Variants in KCTD17 observed in about 807,000 individuals in gnomAD.
KCTD17 encodes BTB/POZ domain-containing protein KCTD17.
Under a neutral mutation model 41.5 loss-of-function variants are expected in KCTD17, and 20 were observed. The observed-to-expected ratio is 0.48, with a 90% CI of 0.34 to 0.70. The LOEUF is 0.70. Ranked by LOEUF, KCTD17 falls within the 30% of genes least tolerant of loss-of-function variation. KCTD17 has a pLI of 0.01. For missense variants in KCTD17, 317 were observed against 427.2 expected (o/e 0.74, Z 2.27); for synonymous variants, 156 against 173.8 (o/e 0.90, Z 0.80).
At chr22:37,059,231 T>G (rs1270912590) in intron 4 of KCTD17, 82 bp from the exon 5 acceptor site, 5 of 1,583,044 alleles carry the variant, frequency 3.2e-6, no homozygotes, top group Non-Finnish European at 4.3e-6. Flanking sequence ...GTATCTTGAT[T>G]TGAGTGCCGA....
At chr22:37,052,627 C>T (rs543907016) in intron 1 of KCTD17, 1 of 470,986 alleles carries the variant, frequency 2.1e-6, no homozygotes, top group Admixed American at 2.3e-5. Context: ...TGTCTCCGAT[C>T]TCTCTGTAGA....
intron 2 of KCTD17, 91 bp from the exon 3 acceptor site, chr22:37,056,229 G>C (rs1042059041): frequency 4.6e-6 from 5 of 1,080,802 alleles, no homozygotes; most frequent in Admixed American, 2.1e-5. Context: ...GGTGATCAGA[G>C]CGAGAGGTGG....
At chr22:37,057,041 C>T (rs1601490222) in intron 3 of KCTD17, among the ~76,000 whole-genome samples, 1 of 152,082 alleles carries the variant, frequency 6.6e-6, no homozygotes, top group African/African-American at 2.4e-5. Context: ...TTGAGGGTGA[C>T]CCAGAATGTT....
intron 2 of KCTD17, among the ~76,000 whole-genome samples, chr22:37,055,734 G>C (rs1034486091): frequency 5.3e-5 from 8 of 152,172 alleles, no homozygotes; most frequent in Non-Finnish European, 1.2e-4. Flanking sequence ...GGAATGCATG[G>C]ACACAAGGGT....
chr22:37,056,479 G>T lies in KCTD17; in HGVS notation c.390+68G>T, dbSNP rs977261880. On this transcript the variant is annotated intron_variant, in intron 3 of 8. Coordinates refer to ENST00000403888, the MANE Select transcript of KCTD17 (RefSeq NM_001282684.2). ...TGGGGAGAGAGAGGCTGAGAGACGG[G>T]GCGGGAAGCAGAGGAGGTTGGGAGA... is the stretch of plus-strand genomic sequence containing the variant. 26 of 1,352,620 alleles carry T rather than the reference G, an allele frequency of 1.9e-5. No homozygotes were observed. The East Asian group carries it at 5.2e-4, about 27-fold the overall frequency. 83.8% of individuals were successfully genotyped at this position (1,352,620 alleles called of 1,614,324 possible). A position where few individuals can be genotyped will look rare whatever the true frequency, so the allele number is the denominator to read the frequency against.
intron 3 of KCTD17, among the ~76,000 whole-genome samples, chr22:37,056,897 CAGG>C (rs1447597767): frequency 6.6e-6 from 1 of 152,006 alleles, no homozygotes; most frequent in Non-Finnish European, 1.5e-5. Flanking sequence ...GGCCAGTCTG[CAGG>C]AGGAGGGAAA....
chr22:37,059,554 A>G, intron 5 of KCTD17, 116 bp downstream of exon 5: 5 of 1,232,238 alleles, frequency 4.1e-6, no homozygotes, highest in South Asian at 1.4e-5. Context: ...GCCACCGCCC[A>G]TGCACAACCC....
chr22:37,056,272 G>A, intron 2 of KCTD17, 48 bp from the exon 3 acceptor site: 1 of 1,523,668 alleles, frequency 6.6e-7, no homozygotes, highest in Non-Finnish European at 9.0e-7. Flanking sequence ...AGGAGAATGG[G>A]GCATGGAGGC....
intron 8 of KCTD17, chr22:37,062,094 C>T (rs1187118077): frequency 2.0e-6 from 2 of 981,054 alleles, no homozygotes; most frequent in Non-Finnish European, 2.4e-6. Context: ...TTGGGCAAGT[C>T]ACTGTCCCTC....
At chr22:37,052,149 G>C (rs1924566208) in intron 1 of KCTD17, 200 bp downstream of exon 1, 1 of 731,488 alleles carries the variant, frequency 1.4e-6, no homozygotes, top group African/African-American at 1.8e-5. Flanking sequence ...CCGTGGCAAC[G>C]GGACGACGCA....
chr22:37,062,768 G>A lies in KCTD17; in HGVS notation c.*174G>A. 2 of 1,388,244 alleles carry A rather than the reference G, an allele frequency of 1.4e-6. No individual in the cohort carries two copies. Among genetic ancestry groups the A allele is most frequent in the Non-Finnish European group, 1.9e-6 (2 of 1,054,394 alleles). The allele number at this position is 1,388,244 out of a possible 1,614,324, so 86.0% of individuals were successfully genotyped here. ...CCAAGGTGGGCCCCAGGACCTCTGG[G>A]CAGAGTGGACTGCTCATGGCAGATG... is the stretch of plus-strand genomic sequence containing the variant. On this transcript the variant is annotated 3_prime_UTR_variant, in exon 9 of 9. Transcript: ENST00000403888.
rs7292681 is a variant in KCTD17 at position 37,062,157 on chromosome 22, T to C, written c.876-368T>C. On this transcript the variant is annotated intron_variant, in intron 8 of 8. Transcript: ENST00000403888. ...GGACAGACAGCTGCTCCCTGTGGCTTCTTTCGCCTGGGGCATCAGTGCCTC... is the reference window on the plus strand; with the variant it reads ...GGACAGACAGCTGCTCCCTGTGGCTCCTTTCGCCTGGGGCATCAGTGCCTC... The C allele has an allele frequency of 0.012, 11,682 of 985,292 alleles. 977 individuals are homozygous for C. The African/African-American group carries it at 0.18, about 15-fold the overall frequency. 61.0% of individuals were successfully genotyped at this position (985,292 alleles called of 1,614,324 possible). A position where few individuals can be genotyped will look rare whatever the true frequency, so the allele number is the denominator to read the frequency against.
In KCTD17 at chr22:37,061,062, C is replaced by T. The variant is rs760350877; in HGVS notation, c.713-42C>T. On this transcript the variant is annotated intron_variant, in intron 6 of 8. Transcript: ENST00000403888. This position sits in a 1 kb window ranked among gnomAD's most constrained non-coding sequence, Gnocchi z 6.6. ...GTTAGCTCAGCCACTTGCCTGGCGC[C>T]TCACCCGCATAACCATCCCTTCTCT... 1.3e-4 allele frequency: 194 copies of T among 1,551,320 alleles called. No individual in the cohort carries two copies. The highest frequency in any genetic ancestry group is 1.3e-4 in the Non-Finnish European group (147 of 1,146,888).
intron 8 of KCTD17, 163 bp from the exon 9 acceptor site, chr22:37,062,362 C>T: frequency 2.0e-6 from 2 of 984,794 alleles, no homozygotes; most frequent in Non-Finnish European, 2.4e-6. Flanking sequence ...CTCAGCCCCA[C>T]CCCCTCCTCC....
chr22:37,058,138 G>C (rs1006907739), intron 4 of KCTD17, among the ~76,000 whole-genome samples: 1 of 152,248 alleles, frequency 6.6e-6, no homozygotes, highest in Admixed American at 6.5e-5. Flanking sequence ...GCCAGAAAGT[G>C]AGCCCAGGGT....
At chr22:37,059,223 A>T (rs1249266291) in intron 4 of KCTD17, 90 bp from the exon 5 acceptor site, 1 of 1,562,790 alleles carries the variant, frequency 6.4e-7, no homozygotes, top group African/African-American at 1.3e-5. Context: ...CTGAGCTGGT[A>T]TCTTGATTTG....
chr22:37,051,850 G>A lies in KCTD17; in HGVS notation c.90G>A (p.Val30=), dbSNP rs1186300597. The A allele has an allele frequency of 2.7e-6, 4 of 1,461,462 alleles. No individual in the cohort carries two copies. The highest frequency in any genetic ancestry group is 3.6e-6 in the Non-Finnish European group (4 of 1,105,446). The allele number at this position is 1,461,462 out of a possible 1,614,324, so 90.5% of individuals were successfully genotyped here. ...GGGGCAAGTGGGTGCGGCTCAACGT[G>A]GGGGGCACGGTGTTCCTGACCACCC... is the stretch of plus-strand genomic sequence containing the variant. The part of the protein sequence containing the change: ...GGWGKWVRLN[V]GGTVFLTTRQ... The change falls in exon 1 of 9, where the codon GTG becomes GTA. Residue 30 remains valine, a synonymous_variant. Coordinates refer to ENST00000403888, the MANE Select transcript of KCTD17 (RefSeq NM_001282684.2).
At position 37,059,397 on chromosome 22, in the gene KCTD17, AC is replaced by A; in HGVS notation, c.575del (p.Pro192GlnfsTer4). 6.2e-7 allele frequency: 1 copy of A among 1,611,778 alleles called. No individual in the cohort carries two copies. The highest frequency in any genetic ancestry group is 8.5e-7 in the Non-Finnish European group (1 of 1,179,710). ...LCVVSKELHS[T>X]PNGLSSESSR... ...TGTGGTGTCCAAGGAGCTCCACAGC[AC>A]CCCAAACGGGCTGAGCTCAGAGTCC... is the stretch of plus-strand genomic sequence containing the variant. On this transcript the variant is annotated frameshift_variant, in exon 5 of 9. Coordinates refer to ENST00000403888, the MANE Select transcript of KCTD17 (RefSeq NM_001282684.2). LOFTEE classifies it high-confidence loss of function.
At chr22:37,052,462 C>A (rs1403709289) in intron 1 of KCTD17, 1 of 452,220 alleles carries the variant, frequency 2.2e-6, no homozygotes, top group African/African-American at 2.0e-5. Flanking sequence ...CACTGCCTGC[C>A]GCGACCTTGA....
Sources: gnomAD v4.1 joint callset for allele counts (sites outside exome capture counted in the v4.1 genomes callset) on GRCh38, gnomAD v4.1.1 for gene constraint, Gnocchi (gnomAD v3.1) non-coding constraint, MANE v1.5 for transcripts, NCBI Gene and HGNC (gene_info 2026-07-23, HGNC 2026-07-21) for gene names.